The following ZNF865 variants were observed in gnomAD, a reference collection of about 807,000 sequenced individuals.
The protein encoded by ZNF865 is zinc finger protein 865.
For synonymous variants in ZNF865, 763 were observed against 750.8 expected (o/e 1.02, Z -0.27); for missense variants, 1,311 against 1,593.4 (o/e 0.82, Z 3.02).
chr19:55,611,633 C>T lies in ZNF865; in HGVS notation c.-26-1960C>T, dbSNP rs771397800. On this transcript the variant is annotated intron_variant, in intron 1 of 1. Coordinates refer to ENST00000568956, the MANE Select transcript of ZNF865 (RefSeq NM_001195605.2). The surrounding 1 kb of genome is among the most constrained non-coding windows in gnomAD (Gnocchi z 4.5). ...GCGTTTGGGGTGGGGGTGGAAGAGA[C>T]ACTCACCCCTCACCTGTGGGAGGAG... Among the ~76,000 whole-genome samples the T allele has an allele frequency of 6.6e-6, 1 of 152,132 alleles. No individual in the cohort carries two copies. Among genetic ancestry groups the T allele is most frequent in the Non-Finnish European group, 1.5e-5 (1 of 68,014 alleles).
chr19:55,608,213 G>A (rs552317252), intron 1 of ZNF865, among the ~76,000 whole-genome samples: 5 of 151,950 alleles, frequency 3.3e-5, no homozygotes, highest in African/African-American at 1.2e-4. Context: ...AATATTACAG[G>A]CAACAGCAAC....
intron 1 of ZNF865, among the ~76,000 whole-genome samples, chr19:55,609,916 C>G (rs1981071161): frequency 6.6e-6 from 1 of 152,112 alleles, no homozygotes; most frequent in Non-Finnish European, 1.5e-5. Flanking sequence ...TTCTGGTTTC[C>G]TAGTGGAGAT....
rs1455945298 is a variant in ZNF865, at chr19:55,616,938, G to T, written c.*140G>T. 4.1e-5 allele frequency: 36 copies of T among 881,690 alleles called. No homozygotes were observed. Among genetic ancestry groups the T allele is most frequent in the Non-Finnish European group, 4.7e-5 (29 of 623,282 alleles). 54.6% of individuals were successfully genotyped at this position (881,690 alleles called of 1,614,324 possible). A position where few individuals can be genotyped will look rare whatever the true frequency, so the allele number is the denominator to read the frequency against. ...CGGACTGGCGACCTTCAGGGCGCAC[G>T]CCCGACAGGCTCAAGACTGAATCAC... On this transcript the variant is annotated 3_prime_UTR_variant, in exon 2 of 2. Transcript: ENST00000568956.
Position 55,614,770 on chromosome 19 carries a change from C to T in ZNF865, c.1152C>T (p.Ser384=). Residue 384 remains serine (S), a synonymous_variant, in exon 2 of 2, where the codon AGC becomes AGT. Transcript: ENST00000568956. This position sits in a 1 kb window ranked among gnomAD's most constrained non-coding sequence, Gnocchi z 8.0. The part of the protein sequence containing the change: ...GEKPFSCSVC[S]KSFNRRESLK... ...AGCCCTTCTCCTGCTCCGTGTGCAGCAAAAGCTTCAACCGCAGGGAGAGTC... is the reference window on the plus strand; with the variant it reads ...AGCCCTTCTCCTGCTCCGTGTGCAGTAAAAGCTTCAACCGCAGGGAGAGTC... The T allele has an allele frequency of 6.4e-7, 1 of 1,571,286 alleles. No homozygotes were observed. The highest frequency in any genetic ancestry group is 8.6e-7 in the Non-Finnish European group (1 of 1,167,256).
In ZNF865 at chr19:55,614,909, G is replaced by A; in HGVS notation, c.1291G>A (p.Gly431Arg). The change falls in exon 2 of 2, where the codon GGG (glycine) becomes AGG (arginine). Residue 431 changes from glycine to arginine, a missense_variant. Physicochemically the swap from Gly to Arg is moderately radical, Grantham distance 125 (BLOSUM62 -2). Transcript: ENST00000568956. This position sits in a 1 kb window ranked among gnomAD's most constrained non-coding sequence, Gnocchi z 8.0. The stretch of plus-strand genomic sequence containing the variant: ...CCTCAAGCACCAGGCGGCCCACGCG[G>A]GGGCGGGCGCCGGGGGGCCTCGGCC... ...YLLKHQAAHA[G>R]AGAGGPRPVY... 1.3e-6 allele frequency: 2 copies of A among 1,487,548 alleles called. No homozygotes were observed. Among genetic ancestry groups the A allele is most frequent in the Non-Finnish European group, 1.8e-6 (2 of 1,124,032 alleles). 92.1% of individuals were successfully genotyped at this position (1,487,548 alleles called of 1,614,324 possible). A position where few individuals can be genotyped will look rare whatever the true frequency, so the allele number is the denominator to read the frequency against.
rs1032936517 is a variant in ZNF865 at position 55,615,563 on chromosome 19, C to T, written c.1945C>T (p.Pro649Ser). 3.9e-6 allele frequency: 6 copies of T among 1,526,944 alleles called. No homozygotes were observed. In the South Asian group the frequency reaches 7.2e-5, roughly 18 times the overall value. The allele number at this position is 1,526,944 out of a possible 1,614,324, so 94.6% of individuals were successfully genotyped here. Residue 649 changes from proline to serine, a missense_variant, in exon 2 of 2, where the codon CCG becomes TCG. Transcript: ENST00000568956. The part of the protein sequence containing the change: ...AAGLPSTQGT[P>S]GACGPGASGT... The stretch of plus-strand genomic sequence containing the variant: ...CGGCCTCCCCTCCACCCAAGGCACA[C>T]CGGGGGCCTGTGGGCCCGGGGCCTC...
Position 55,613,635 on chromosome 19 carries a change from C to G in ZNF865, c.17C>G (p.Ala6Gly). 6.6e-7 allele frequency: 1 copy of G among 1,520,608 alleles called. No individual in the cohort carries two copies. Among genetic ancestry groups the G allele is most frequent in the Non-Finnish European group, 8.8e-7 (1 of 1,139,006 alleles). The allele number at this position is 1,520,608 out of a possible 1,614,324, so 94.2% of individuals were successfully genotyped here. A position where few individuals can be genotyped will look rare whatever the true frequency, so the allele number is the denominator to read the frequency against. The change falls in exon 2 of 2, where the codon GCG becomes GGG. Residue 6 changes from alanine to glycine, a missense_variant. Transcript: ENST00000568956. MEANP[A>G]GSGAGGGGSS... The stretch of plus-strand genomic sequence containing the variant: ...CCGCCGGAGATGGAGGCGAACCCAG[C>G]GGGCAGCGGCGCCGGGGGTGGCGGG...
Position 55,614,147 on chromosome 19 carries a change from C to G in ZNF865, c.529C>G (p.Leu177Val), listed in dbSNP as rs1281198606. The G allele has an allele frequency of 4.2e-6, 6 of 1,440,924 alleles. No individual in the cohort carries two copies. In the East Asian group the frequency reaches 1.6e-4, roughly 39 times the overall value. 89.3% of individuals were successfully genotyped at this position (1,440,924 alleles called of 1,614,324 possible). ...PASGPGVTPG[L>V]GAPAGAPGPL... ...GTCCGGGCCGGGGGTGACGCCTGGGCTGGGCGCTCCCGCGGGGGCCCCAGG... is the reference window on the plus strand; with the variant it reads ...GTCCGGGCCGGGGGTGACGCCTGGGGTGGGCGCTCCCGCGGGGGCCCCAGG... The change falls in exon 2 of 2, where the codon CTG becomes GTG. Residue 177 changes from leucine to valine, a missense_variant. Transcript: ENST00000568956. This position sits in a 1 kb window ranked among gnomAD's most constrained non-coding sequence, Gnocchi z 8.0.
chr19:55,608,210 C>T (rs183817399), intron 1 of ZNF865, among the ~76,000 whole-genome samples: 1 of 151,632 alleles, frequency 6.6e-6, no homozygotes, highest in African/African-American at 2.4e-5. Flanking sequence ...CAGAATATTA[C>T]AGGCAACAGC....
intron 1 of ZNF865, chr19:55,612,349 T>C (rs890487922): frequency 1.3e-5 from 2 of 152,122 alleles, no homozygotes; most frequent in African/African-American, 4.8e-5. Flanking sequence ...TGGAATTTGT[T>C]TCTCCCAGGC....
Position 55,614,774 on chromosome 19 carries a change from A to G in ZNF865, c.1156A>G (p.Ser386Gly). The G allele has an allele frequency of 1.3e-6, 2 of 1,568,538 alleles. No homozygotes were observed. The highest frequency in any genetic ancestry group is 1.7e-6 in the Non-Finnish European group (2 of 1,165,978). Residue 386 changes from serine (S) to glycine (G), a missense_variant, in exon 2 of 2, where the codon AGC becomes GGC. Coordinates refer to ENST00000568956, the MANE Select transcript of ZNF865 (RefSeq NM_001195605.2). This position sits in a 1 kb window ranked among gnomAD's most constrained non-coding sequence, Gnocchi z 8.0. ...CTTCTCCTGCTCCGTGTGCAGCAAA[A>G]GCTTCAACCGCAGGGAGAGTCTGAA... ...KPFSCSVCSK[S>G]FNRRESLKRH...
Position 55,611,196 on chromosome 19 carries a change from T to C in ZNF865, c.-26-2397T>C, listed in dbSNP as rs1269606957. 6.6e-6 allele frequency among the ~76,000 whole-genome samples: 1 copy of C among 151,816 alleles called. No homozygotes were observed. ...CGGGAACAGCTGCCCCTATTTAGAG[T>C]TGTGGGGAGTCAGTGAATTAATATG... On this transcript the variant is annotated intron_variant, in intron 1 of 1. Transcript: ENST00000568956. The surrounding 1 kb of genome is among the most constrained non-coding windows in gnomAD (Gnocchi z 4.5).
At chr19:55,608,901 G>C (rs760844782) in intron 1 of ZNF865, among the ~76,000 whole-genome samples, 1 of 152,176 alleles carries the variant, frequency 6.6e-6, no homozygotes, top group Non-Finnish European at 1.5e-5. Context: ...GATTGGGGGC[G>C]GGGGTCCTCC....
rs1006859133 is a variant in ZNF865 at position 55,613,796 on chromosome 19, T to A, written c.178T>A (p.Cys60Ser). ...CGCCAAGGCGGTGGCGGCCCTGCCCTGCGCCCCCGGCCCCCCGCCGCAGCC... is the reference window on the plus strand; with the variant it reads ...CGCCAAGGCGGTGGCGGCCCTGCCCAGCGCCCCCGGCCCCCCGCCGCAGCC... ...EHAKAVAALP[C>S]APGPPPQPPP... The change falls in exon 2 of 2, where the codon TGC becomes AGC. Residue 60 changes from cysteine to serine, a missense_variant. Transcript: ENST00000568956. 10 of 1,525,246 alleles carry A rather than the reference T, an allele frequency of 6.6e-6. No individual in the cohort carries two copies. Among genetic ancestry groups the A allele is most frequent in the Non-Finnish European group, 8.8e-6 (10 of 1,141,484 alleles). The allele number at this position is 1,525,246 out of a possible 1,614,324, so 94.5% of individuals were successfully genotyped here.
chr19:55,614,952 T>C lies in ZNF865; in HGVS notation c.1334T>C (p.Leu445Pro). ...GGPRPVYPCDLCGKSYSAPQS... is the reference protein window; with the variant it reads ...GGPRPVYPCDPCGKSYSAPQS... Reference sequence around the variant, plus strand: ...CCTCGGCCCGTGTACCCCTGCGACCTGTGCGGCAAGTCCTACTCGGCTCCG... The same window carrying C: ...CCTCGGCCCGTGTACCCCTGCGACCCGTGCGGCAAGTCCTACTCGGCTCCG... Residue 445 changes from leucine (L) to proline (P), a missense_variant, in exon 2 of 2, where the codon CTG becomes CCG. Leu to Pro is a moderately conservative substitution (Grantham distance 98). Coordinates refer to ENST00000568956, the MANE Select transcript of ZNF865 (RefSeq NM_001195605.2). This position sits in a 1 kb window ranked among gnomAD's most constrained non-coding sequence, Gnocchi z 8.0. 1.4e-6 allele frequency: 2 copies of C among 1,473,334 alleles called. No individual in the cohort carries two copies. Among genetic ancestry groups the C allele is most frequent in the Non-Finnish European group, 1.8e-6 (2 of 1,119,370 alleles). The allele number at this position is 1,473,334 out of a possible 1,614,324, so 91.3% of individuals were successfully genotyped here. A position where few individuals can be genotyped will look rare whatever the true frequency, so the allele number is the denominator to read the frequency against.
chr19:55,614,768 A>C lies in ZNF865; in HGVS notation c.1150A>C (p.Ser384Arg). 1.3e-6 allele frequency: 2 copies of C among 1,574,956 alleles called. No homozygotes were observed. The highest frequency in any genetic ancestry group is 8.6e-7 in the Non-Finnish European group (1 of 1,169,022). Residue 384 changes from serine (S) to arginine (R), a missense_variant, in exon 2 of 2, where the codon AGC (serine) becomes CGC (arginine). Coordinates refer to ENST00000568956, the MANE Select transcript of ZNF865 (RefSeq NM_001195605.2). This position sits in a 1 kb window ranked among gnomAD's most constrained non-coding sequence, Gnocchi z 8.0. Reference protein sequence around the residue: ...GEKPFSCSVCSKSFNRRESLK... With the variant: ...GEKPFSCSVCRKSFNRRESLK... ...GAAGCCCTTCTCCTGCTCCGTGTGC[A>C]GCAAAAGCTTCAACCGCAGGGAGAG...
At chr19:55,608,906 T>G (rs1321726264) in intron 1 of ZNF865, among the ~76,000 whole-genome samples, 1 of 151,856 alleles carries the variant, frequency 6.6e-6, no homozygotes, top group African/African-American at 2.4e-5. Context: ...GGGGCGGGGG[T>G]CCTCCTTCAT....
chr19:55,613,825 G>T lies in ZNF865; in HGVS notation c.207G>T (p.Pro69=). 1.7e-6 allele frequency: 1 copy of T among 581,636 alleles called. No homozygotes were observed. 36.0% of individuals were successfully genotyped at this position (581,636 alleles called of 1,614,324 possible). The change falls in exon 2 of 2, where the codon CCG becomes CCT. Residue 69 remains proline, a synonymous_variant. Coordinates refer to ENST00000568956, the MANE Select transcript of ZNF865 (RefSeq NM_001195605.2). The stretch of plus-strand genomic sequence containing the variant: ...CCCCCGGCCCCCCGCCGCAGCCCCC[G>T]CCGCAGCCCCCTCCCCCGCAGTATG... ...PCAPGPPPQP[P]PQPPPPQYDY...
rs2123593866 is a variant in ZNF865, at chr19:55,615,902, G to A, written c.2284G>A (p.Ala762Thr). The change falls in exon 2 of 2, where the codon GCG becomes ACG. Residue 762 changes from alanine to threonine, a missense_variant. Coordinates refer to ENST00000568956, the MANE Select transcript of ZNF865 (RefSeq NM_001195605.2). ...GLAGEVGAAV[A>T]ALAGVSGGED... Reference sequence around the variant, plus strand: ...GGCGGGGGAGGTGGGGGCGGCCGTGGCGGCACTGGCAGGGGTGTCTGGGGG... The same window carrying A: ...GGCGGGGGAGGTGGGGGCGGCCGTGACGGCACTGGCAGGGGTGTCTGGGGG... 1 of 1,475,592 alleles carries A rather than the reference G, an allele frequency of 6.8e-7. No homozygotes were observed. The highest frequency in any genetic ancestry group is 2.7e-5 in the East Asian group (1 of 37,604). 91.4% of individuals were successfully genotyped at this position (1,475,592 alleles called of 1,614,324 possible).
Sources: allele counts gnomAD v4.1 joint callset (sites outside exome capture counted in the v4.1 genomes callset), GRCh38; gene constraint gnomAD v4.1.1; non-coding constraint Gnocchi (gnomAD v3.1); transcripts MANE v1.5; gene names NCBI Gene and HGNC (gene_info 2026-07-23, HGNC 2026-07-21).